The following VCL variants were observed in gnomAD, a reference collection of about 807,000 sequenced individuals.
VCL encodes the protein vinculin, also known as epididymis luminal protein 114.
Under a neutral mutation model 125.7 loss-of-function variants are expected in VCL, and 47 were observed. The ratio of observed to expected loss-of-function variants is 0.37; its 90% CI spans 0.30 to 0.48. VCL has a LOEUF of 0.48. Among genes scored for constraint, VCL ranks in the 20% least tolerant of loss-of-function variants. The pLI, the probability that VCL is intolerant of heterozygous loss-of-function variation, is 0.99. For missense variants in VCL, 1,069 were observed against 1,455.5 expected, an observed-to-expected ratio of 0.73 and a Z score of 4.32; for synonymous variants, 458 against 514.6, an observed-to-expected ratio of 0.89 and a Z score of 1.49.
intron 14 of VCL, among the ~76,000 whole-genome samples, chr10:74,101,862 C>CT (rs561525230): frequency 0.024 from 3,186 of 132,996 alleles, 52 homozygotes; most frequent in Middle Eastern, 0.03. Flanking sequence ...TTTGGATAAT[C>CT]TTTTTTTTTT....
intron 8 of VCL, among the ~76,000 whole-genome samples, chr10:74,086,392 G>A: frequency 6.6e-6 from 1 of 152,236 alleles, no homozygotes; most frequent in Non-Finnish European, 1.5e-5. Context: ...TTAAATAAAT[G>A]TGATCCCATT....
chr10:74,121,051 A>ATATT (rs1491148178), downstream of VCL: 1 of 152,116 alleles, frequency 6.6e-6, no homozygotes. Context: ...GATGATATTG[A>ATATT]TATTTAGTGT....
intron 2 of VCL, among the ~76,000 whole-genome samples, chr10:74,064,877 C>A (rs1357772172): frequency 2.0e-5 from 3 of 152,156 alleles, no homozygotes; most frequent in Non-Finnish European, 4.4e-5. Flanking sequence ...ACATTTTCTA[C>A]ACAACTCATT....
At chr10:74,046,738 C>A (rs1413194237) in intron 2 of VCL, among the ~76,000 whole-genome samples, 1 of 152,178 alleles carries the variant, frequency 6.6e-6, no homozygotes, top group Non-Finnish European at 1.5e-5. Context: ...GAAGACCTTA[C>A]AAACAATTGC....
Position 73,998,228 on chromosome 10 carries a change from C to T in VCL, c.21C>T (p.Arg7=). 1.2e-6 allele frequency: 2 copies of T among 1,612,986 alleles called. No homozygotes were observed. The highest frequency in any genetic ancestry group is 1.7e-6 in the Non-Finnish European group (2 of 1,179,570). MPVFHT[R]TIESILEPVA... ...CCGCGATGCCAGTGTTTCATACGCG[C>T]ACGATCGAGAGCATCCTGGAGCCGG... The change falls in exon 1 of 22, where the codon CGC becomes CGT. Residue 7 remains arginine, a synonymous_variant. Coordinates refer to ENST00000211998, the MANE Select transcript of VCL (RefSeq NM_014000.3).
At position 74,043,100 on chromosome 10, in the gene VCL, T is replaced by C. The variant is rs773335930; in HGVS notation, c.186T>C (p.Val62=). ...TCTTGTAGGTTGGAAAAGAGACTGT[T>C]CAAACCACTGAGGATCAGATTTTGA... The part of the protein sequence containing the change: ...SNLVRVGKET[V]QTTEDQILKR... The change falls in exon 2 of 22, where the codon GTT becomes GTC. Residue 62 remains valine, a synonymous_variant. Coordinates refer to ENST00000211998, the MANE Select transcript of VCL (RefSeq NM_014000.3). 2 of 1,613,442 alleles carry C rather than the reference T, an allele frequency of 1.2e-6. No individual in the cohort carries two copies. The highest frequency in any genetic ancestry group is 1.7e-6 in the Non-Finnish European group (2 of 1,179,662).
In VCL at chr10:74,070,709, G is replaced by T; in HGVS notation, c.279G>T (p.Gln93His). 6.2e-7 allele frequency: 1 copy of T among 1,614,166 alleles called. No homozygotes were observed. The highest frequency in any genetic ancestry group is 8.5e-7 in the Non-Finnish European group (1 of 1,180,022). ...NACTKLVQAA[Q>H]MLQSDPYSVP... ...GCACCAAGCTTGTCCAGGCAGCTCA[G>T]ATGCTTCAGTCAGACCCTTACTCAG... Residue 93 changes from glutamine to histidine, a missense_variant, in exon 3 of 22, where the codon CAG becomes CAT. By Grantham distance (24) the Gln-to-His change is conservative. This residue lies in a region of VCL where 96 missense variants were observed against 137.6 expected (regional missense o/e 0.70). Transcript: ENST00000211998.
intron 1 of VCL, among the ~76,000 whole-genome samples, chr10:74,019,993 T>G (rs1840630087): frequency 6.6e-6 from 1 of 151,854 alleles, no homozygotes; most frequent in Admixed American, 6.6e-5. Flanking sequence ...AACCCAGGAC[T>G]TGGAGGTTGC....
rs1564537374 is a variant in VCL at position 74,119,411 on chromosome 10, G to GT, written c.*1243dup. On this transcript the variant is annotated 3_prime_UTR_variant, in exon 22 of 22. Transcript: ENST00000211998. ...TGAATCAATGGGAAATACTACTCCT[G>GT]TAATTCCTACCTCCCTGCAACCAAC... The GT allele has an allele frequency of 1.3e-5, 2 of 152,218 alleles. No individual in the cohort carries two copies. The allele number at this position is 152,218 out of a possible 1,614,324, so 9.4% of individuals were successfully genotyped here.
intron 2 of VCL, among the ~76,000 whole-genome samples, chr10:74,057,334 A>T (rs1841406553): frequency 6.6e-6 from 1 of 152,170 alleles, no homozygotes; most frequent in Non-Finnish European, 1.5e-5. Context: ...GCATACTAGA[A>T]TGGCTGAACT....
At chr10:74,020,394 C>T (rs928830421) in intron 1 of VCL, among the ~76,000 whole-genome samples, 1 of 152,082 alleles carries the variant, frequency 6.6e-6, no homozygotes, top group African/African-American at 2.4e-5. Context: ...CATGGATCCA[C>T]CTAGAGAGAT....
chr10:74,021,313 T>G (rs910924035), intron 1 of VCL, among the ~76,000 whole-genome samples: 3 of 152,118 alleles, frequency 2.0e-5, no homozygotes, highest in African/African-American at 7.2e-5. Flanking sequence ...CCTACCCAGC[T>G]TCCAAATTTG....
chr10:74,086,187 C>T (rs774891129), intron 8 of VCL, among the ~76,000 whole-genome samples: 2 of 152,144 alleles, frequency 1.3e-5, no homozygotes, highest in Admixed American at 6.5e-5. Flanking sequence ...ATCTTAAAGG[C>T]GTGGTTCTTA....
chr10:74,101,184 A>G, intron 14 of VCL, 87 bp downstream of exon 14: 1 of 1,530,470 alleles, frequency 6.5e-7, no homozygotes, highest in Non-Finnish European at 8.8e-7. Context: ...TACTTACCGT[A>G]AGATGGCATA....
chr10:74,081,512 G>A (rs139303220), intron 6 of VCL, among the ~76,000 whole-genome samples: 91 of 152,264 alleles, frequency 6.0e-4, no homozygotes, highest in African/African-American at 2.0e-3. Flanking sequence ...TGCTTTGATG[G>A]CTTAACTCTG....
chr10:74,064,959 C>T (rs9663522), intron 2 of VCL, among the ~76,000 whole-genome samples: 9,570 of 151,980 alleles, frequency 0.063, 1,037 homozygotes, highest in African/African-American at 0.22. Flanking sequence ...TTAAAATTCC[C>T]AAACAATTCA....
chr10:74,100,299 T>A (rs886747782), intron 13 of VCL, among the ~76,000 whole-genome samples: 3 of 152,236 alleles, frequency 2.0e-5, no homozygotes, highest in Non-Finnish European at 4.4e-5. Context: ...AAACATTAAC[T>A]TTTTTAGAAT....
rs1248369804 is a variant in VCL, at chr10:73,998,193, C to G, written c.-15C>G. 1.9e-6 allele frequency: 3 copies of G among 1,610,422 alleles called. No individual in the cohort carries two copies. The African/African-American group carries it at 4.0e-5, about 22-fold the overall frequency. ...TCTCTGTCGCCCGCGGTTCGCCGCCCCGCTCGCCGCCGCGATGCCAGTGTT... is the reference window on the plus strand; with the variant it reads ...TCTCTGTCGCCCGCGGTTCGCCGCCGCGCTCGCCGCCGCGATGCCAGTGTT... On this transcript the variant is annotated 5_prime_UTR_variant, in exon 1 of 22. Coordinates refer to ENST00000211998, the MANE Select transcript of VCL (RefSeq NM_014000.3).
intron 2 of VCL, among the ~76,000 whole-genome samples, chr10:74,059,360 G>GAA (rs796840806): frequency 1.7e-4 from 20 of 119,502 alleles, no homozygotes; most frequent in Admixed American, 5.1e-4. Flanking sequence ...CACTTCGAAA[G>GAA]AAAAAAAAAA....
Sources: gnomAD v4.1 joint callset for allele counts (sites outside exome capture counted in the v4.1 genomes callset) on GRCh38, gnomAD v4.1.1 for gene constraint, gnomAD v4.1.1 regional missense constraint, MANE v1.5 for transcripts, NCBI Gene and HGNC (gene_info 2026-07-23, HGNC 2026-07-21) for gene names.